Variants in CLEC19A observed in about 807,000 individuals in gnomAD.
The protein encoded by CLEC19A is C-type lectin domain family 19 member A.
CLEC19A carries 21 observed loss-of-function variants against 26.1 expected under a neutral mutation model. The observed-to-expected ratio is 0.80, with a 90% CI of 0.57 to 1.16. CLEC19A has a LOEUF of 1.16. CLEC19A is among the 50% of genes most tolerant of loss of function. CLEC19A has a pLI of 0.00. For synonymous variants in CLEC19A, 89 were observed against 88.6 expected, an observed-to-expected ratio of 1.00 and a Z score of -0.03; for missense variants, 224 against 227.6, an observed-to-expected ratio of 0.98 and a Z score of 0.10.
chr16:19,301,624 C>T (rs1402451201), intron 2 of CLEC19A, among the ~76,000 whole-genome samples: 2 of 150,850 alleles, frequency 1.3e-5, no homozygotes, highest in East Asian at 3.9e-4. Context: ...AGTGCAGTGG[C>T]GTGATCTCGG....
intron 2 of CLEC19A, among the ~76,000 whole-genome samples, chr16:19,301,682 G>A (rs980542957): frequency 6.9e-6 from 1 of 145,114 alleles, no homozygotes; most frequent in Non-Finnish European, 1.5e-5. Flanking sequence ...CCCTGCCTCA[G>A]CCTCCTGAGT....
At chr16:19,286,961 G>T (rs540292743) in intron 1 of CLEC19A, among the ~76,000 whole-genome samples, 2 of 150,518 alleles carry the variant, frequency 1.3e-5, no homozygotes, top group African/African-American at 2.4e-5. Context: ...TACATGGGAC[G>T]TATTTATACT....
At chr16:19,288,097 T>G (rs545165891) in intron 1 of CLEC19A, among the ~76,000 whole-genome samples, 2 of 152,322 alleles carry the variant, frequency 1.3e-5, no homozygotes, top group Admixed American at 1.3e-4. Context: ...CTTTCCATAT[T>G]AAGGCTATGG....
At chr16:19,300,547 CA>C (rs66894914) in intron 2 of CLEC19A, among the ~76,000 whole-genome samples, 70,412 of 134,538 alleles carry the variant, frequency 0.52, 17,111 homozygotes, top group South Asian at 0.58. Flanking sequence ...GATCCTATCT[CA>C]AAAAAAAAAA....
At chr16:19,302,023 G>A (rs1219538601) in intron 2 of CLEC19A, among the ~76,000 whole-genome samples, 1 of 151,934 alleles carries the variant, frequency 6.6e-6, no homozygotes, top group African/African-American at 2.4e-5. Context: ...CTATAATTCT[G>A]CCTCAAGGAG....
intron 1 of CLEC19A, among the ~76,000 whole-genome samples, chr16:19,288,192 C>T (rs974917099): frequency 1.6e-4 from 24 of 152,192 alleles, no homozygotes; most frequent in African/African-American, 5.8e-4. Context: ...GCTCCCAGCC[C>T]TACAGGAAGC....
intron 2 of CLEC19A, chr16:19,303,842 A>G: frequency 2.2e-6 from 1 of 461,836 alleles, no homozygotes; most frequent in Non-Finnish European, 3.9e-6. Context: ...GATGAGTAGC[A>G]GTACTGAGTC....
chr16:19,298,977 TGC>T, intron 2 of CLEC19A, 139 bp downstream of exon 2: 1 of 952,410 alleles, frequency 1.0e-6, no homozygotes. Context: ...CTTGCTATGT[TGC>T]CCAGGCCACT....
chr16:19,309,275 G>T lies in CLEC19A; in HGVS notation c.*192G>T. On this transcript the variant is annotated 3_prime_UTR_variant, in exon 5 of 5. Transcript: ENST00000636231. ...GTGTCAGGAAAGCCAGCTCAAATTG[G>T]CTTAATTTTTTAAAGTGTTTTTTTT... 2.0e-6 allele frequency: 1 copy of T among 499,376 alleles called. No homozygotes were observed. Among genetic ancestry groups the T allele is most frequent in the East Asian group, 3.5e-5 (1 of 28,644 alleles). The allele number at this position is 499,376 out of a possible 1,614,324, so 30.9% of individuals were successfully genotyped here. A position where few individuals can be genotyped will look rare whatever the true frequency, so the allele number is the denominator to read the frequency against.
At chr16:19,285,979 G>A in intron 1 of CLEC19A, 40 bp downstream of exon 1, 1 of 1,525,420 alleles carries the variant, frequency 6.6e-7, no homozygotes, top group Non-Finnish European at 8.9e-7. Flanking sequence ...GTGGAGAGGA[G>A]TACACTCTCA....
At chr16:19,301,185 T>C (rs1156811061) in intron 2 of CLEC19A, among the ~76,000 whole-genome samples, 1 of 152,172 alleles carries the variant, frequency 6.6e-6, no homozygotes, top group East Asian at 1.9e-4. Context: ...ACAGCCCTCA[T>C]TGTACTTGCA....
chr16:19,295,886 T>C (rs1466816832), intron 1 of CLEC19A, among the ~76,000 whole-genome samples: 1 of 152,098 alleles, frequency 6.6e-6, no homozygotes, highest in Non-Finnish European at 1.5e-5. Context: ...ACACCCAGCG[T>C]TACAAAGGGT....
intron 1 of CLEC19A, among the ~76,000 whole-genome samples, chr16:19,289,765 A>G (rs1331518493): frequency 6.6e-6 from 1 of 152,236 alleles, no homozygotes; most frequent in Non-Finnish European, 1.5e-5. Flanking sequence ...AGCAAAGCTT[A>G]GATAGGAGAG....
chr16:19,304,108 C>T lies in CLEC19A; in HGVS notation c.301C>T (p.Pro101Ser). 6.4e-7 allele frequency: 1 copy of T among 1,550,542 alleles called. No homozygotes were observed. The change falls in exon 3 of 5, where the codon CCC becomes TCC. Residue 101 changes from proline (P) to serine (S), a missense_variant. Pro to Ser is a moderately conservative substitution (Grantham distance 74). Transcript: ENST00000636231. ...FVYDLVNSCV[P>S]GIPADVWTGL... ...ATATGACCTCGTGAACAGCTGTGTT[C>T]CCGGCATCCCAGCTGACGTCTGGAC...
chr16:19,287,851 A>G (rs1487000811), intron 1 of CLEC19A, among the ~76,000 whole-genome samples: 1 of 152,198 alleles, frequency 6.6e-6, no homozygotes, highest in Non-Finnish European at 1.5e-5. Flanking sequence ...AAAATGAGTT[A>G]TTGCCATTAC....
intron 2 of CLEC19A, among the ~76,000 whole-genome samples, chr16:19,301,905 T>C (rs1238257610): frequency 6.6e-6 from 1 of 151,956 alleles, no homozygotes; most frequent in East Asian, 1.9e-4. Context: ...ACTGATCTTT[T>C]AAACTTGTGA....
At chr16:19,301,754 T>G (rs1325372463) in intron 2 of CLEC19A, among the ~76,000 whole-genome samples, 5 of 134,182 alleles carry the variant, frequency 3.7e-5, no homozygotes, top group African/African-American at 1.1e-4. Context: ...TTTTTTTTTT[T>G]TTTTTTTTTT....
intron 2 of CLEC19A, among the ~76,000 whole-genome samples, chr16:19,303,623 G>GA (rs1897881301): frequency 1.3e-5 from 2 of 152,086 alleles, no homozygotes; most frequent in African/African-American, 2.4e-5. Flanking sequence ...GATGGTATGT[G>GA]AAAAAAGACT....
intron 2 of CLEC19A, among the ~76,000 whole-genome samples, chr16:19,301,727 GTTTTTTTGGTTTT>G (rs1443546063): frequency 0.031 from 890 of 28,444 alleles, 32 homozygotes; most frequent in Middle Eastern, 0.1. Flanking sequence ...CCATGCCCAG[GTTTTTTTGGTTTT>G]TTTTTTTTTT....
Sources: gnomAD v4.1 joint callset for allele counts (sites outside exome capture counted in the v4.1 genomes callset) on GRCh38, gnomAD v4.1.1 for gene constraint, MANE v1.5 for transcripts, NCBI Gene and HGNC (gene_info 2026-07-23, HGNC 2026-07-21) for gene names.